The following DLG2 variants were observed in gnomAD, a reference collection of about 807,000 sequenced individuals.
DLG2 encodes the protein discs large MAGUK scaffold protein 2.
In DLG2, 45 loss-of-function variants were observed where a neutral mutation model predicts 132.5. The observed-to-expected ratio is 0.34, with a 90% CI of 0.27 to 0.44. The LOEUF is 0.44. DLG2 is among the 20% of genes least tolerant of loss of function. The pLI, the probability that DLG2 is intolerant of heterozygous loss-of-function variation, is 1.00. For synonymous variants in DLG2, 424 were observed against 419.6 expected (o/e 1.01, Z -0.13); for missense variants, 1,045 against 1,196.9 (o/e 0.87, Z 1.87).
At chr11:85,063,097 T>A (rs2064354911) in intron 6 of DLG2, among the ~76,000 whole-genome samples, 1 of 151,844 alleles carries the variant, frequency 6.6e-6, no homozygotes, top group Non-Finnish European at 1.5e-5. Flanking sequence ...CTGCACAGAT[T>A]CCCCGCTTCA....
At chr11:85,500,089 T>C (rs2093761751) in intron 3 of DLG2, among the ~76,000 whole-genome samples, 1 of 152,178 alleles carries the variant, frequency 6.6e-6, no homozygotes. Context: ...GTTGGAATTC[T>C]GGCCAGGGCA....
chr11:83,712,007 A>C (rs1361589450), intron 18 of DLG2, among the ~76,000 whole-genome samples: 1 of 152,206 alleles, frequency 6.6e-6, no homozygotes, highest in Non-Finnish European at 1.5e-5. Context: ...AACAAACAAA[A>C]AAACCGGATC....
intron 18 of DLG2, among the ~76,000 whole-genome samples, chr11:83,743,862 T>C (rs1474640405): frequency 6.6e-6 from 1 of 152,204 alleles, no homozygotes; most frequent in South Asian, 2.1e-4. Context: ...GGGCAGTGAA[T>C]GTTCAATAAA....
At chr11:84,958,025 G>A (rs989805046) in intron 6 of DLG2, among the ~76,000 whole-genome samples, 6 of 152,058 alleles carry the variant, frequency 3.9e-5, no homozygotes, top group Non-Finnish European at 5.9e-5. Flanking sequence ...CTGATGGTGG[G>A]ATACTAATAC....
chr11:83,849,192 T>A (rs115590302), intron 16 of DLG2, among the ~76,000 whole-genome samples: 1,622 of 152,048 alleles, frequency 0.011, 30 homozygotes, highest in African/African-American at 0.038. Flanking sequence ...AGTTTTTATA[T>A]CCCAAAATGG....
At chr11:83,852,705 G>A (rs79139588) in intron 16 of DLG2, among the ~76,000 whole-genome samples, 123 of 152,222 alleles carry the variant, frequency 8.1e-4, no homozygotes, top group African/African-American at 2.9e-3. Flanking sequence ...TAAATGTCCT[G>A]TATAAATGTT....
intron 18 of DLG2, among the ~76,000 whole-genome samples, chr11:83,668,082 A>T (rs2076039565): frequency 6.6e-6 from 1 of 150,606 alleles, no homozygotes; most frequent in African/African-American, 2.4e-5. Context: ...AAAAAAAAAA[A>T]AAAAAAAGCA....
chr11:85,211,231 G>T (rs987414481), intron 4 of DLG2, among the ~76,000 whole-genome samples: 8 of 152,058 alleles, frequency 5.3e-5, no homozygotes, highest in Non-Finnish European at 1.0e-4. Flanking sequence ...TGAGTGTCTA[G>T]TATGTTTTAG....
chr11:85,077,568 A>G (rs2154170088), intron 6 of DLG2, among the ~76,000 whole-genome samples: 1 of 152,190 alleles, frequency 6.6e-6, no homozygotes, highest in African/African-American at 2.4e-5. Flanking sequence ...CAGTGAATGG[A>G]AAGTTGAACC....
intron 18 of DLG2, among the ~76,000 whole-genome samples, chr11:83,735,885 T>C (rs1231487063): frequency 6.6e-6 from 1 of 152,190 alleles, no homozygotes; most frequent in Non-Finnish European, 1.5e-5. Context: ...AAATTAGCAA[T>C]GGGACTTGGA....
intron 3 of DLG2, among the ~76,000 whole-genome samples, chr11:85,346,562 T>C (rs998190593): frequency 6.6e-6 from 1 of 152,134 alleles, no homozygotes; most frequent in African/African-American, 2.4e-5. Context: ...GCCTTTGTTC[T>C]CCAGAAATCA....
At chr11:83,957,512 C>CT (rs1163022598) in intron 14 of DLG2, among the ~76,000 whole-genome samples, 1 of 150,914 alleles carries the variant, frequency 6.6e-6, no homozygotes, top group African/African-American at 2.4e-5. Flanking sequence ...TCTTTTCCCT[C>CT]TTTTTTTCCA....
intron 5 of DLG2, among the ~76,000 whole-genome samples, chr11:85,132,510 A>G (rs2075795594): frequency 6.6e-6 from 1 of 150,822 alleles, no homozygotes; most frequent in Non-Finnish European, 1.5e-5. Flanking sequence ...AAATCCTGCC[A>G]TAAAAAAAAA....
intron 5 of DLG2, among the ~76,000 whole-genome samples, chr11:85,123,307 G>C (rs2074657462): frequency 6.6e-6 from 1 of 151,966 alleles, no homozygotes; most frequent in Non-Finnish European, 1.5e-5. Context: ...GAAGGTTCAA[G>C]TTAATGGTGT....
chr11:83,711,115 C>G (rs1214527672), intron 18 of DLG2, among the ~76,000 whole-genome samples: 2 of 152,154 alleles, frequency 1.3e-5, no homozygotes, highest in Non-Finnish European at 2.9e-5. Flanking sequence ...CCTTATTGAA[C>G]TGTGCATTCA....
chr11:85,426,831 G>C (rs1236742958), intron 3 of DLG2, among the ~76,000 whole-genome samples: 2 of 152,138 alleles, frequency 1.3e-5, no homozygotes, highest in African/African-American at 4.8e-5. Context: ...ACTTCTCTGA[G>C]CTAAAGGAGG....
chr11:84,888,510 C>T (rs2088740815), intron 6 of DLG2, among the ~76,000 whole-genome samples: 1 of 152,070 alleles, frequency 6.6e-6, no homozygotes, highest in Admixed American at 6.6e-5. Context: ...TTGCAGACAG[C>T]AAGTGATGGA....
intron 6 of DLG2, among the ~76,000 whole-genome samples, chr11:85,102,668 A>T (rs1322034817): frequency 1.3e-5 from 2 of 152,034 alleles, no homozygotes; most frequent in African/African-American, 4.8e-5. Context: ...AAAATTGCAC[A>T]GTTAACATCA....
chr11:84,895,993 C>T (rs567084320), intron 6 of DLG2, among the ~76,000 whole-genome samples: 1 of 152,100 alleles, frequency 6.6e-6, no homozygotes, highest in South Asian at 2.1e-4. Context: ...AATAGATATA[C>T]TGTATCTATC....
Sources: allele counts gnomAD v4.1 joint callset (sites outside exome capture counted in the v4.1 genomes callset), GRCh38; gene constraint gnomAD v4.1.1; transcripts MANE v1.5; gene names NCBI Gene and HGNC (gene_info 2026-07-23, HGNC 2026-07-21).